Variants in SCG5 observed in about 807,000 individuals in gnomAD.
The protein encoded by SCG5 is neuroendocrine protein 7B2.
In SCG5, 18 loss-of-function variants were observed where a neutral mutation model predicts 25.7. That is an observed-to-expected ratio of 0.70 (90% confidence interval 0.48 to 1.04). SCG5 has a LOEUF of 1.04. SCG5 is among the 50% of genes least tolerant of loss of function. The pLI, the probability that SCG5 is intolerant of heterozygous loss-of-function variation, is 0.00. For missense variants in SCG5, 206 were observed against 259.8 expected (o/e 0.79, Z 1.42); for synonymous variants, 101 against 91.7 (o/e 1.10, Z -0.58).
chr15:32,642,060 G>A (rs2053872134), intron 1 of SCG5, among the ~76,000 whole-genome samples: 2 of 152,090 alleles, frequency 1.3e-5, no homozygotes, highest in South Asian at 4.1e-4. Context: ...TCTGCCTCCA[G>A]CCTTTTCCAT....
At chr15:32,656,594 T>TG (rs1002420710) in intron 2 of SCG5, among the ~76,000 whole-genome samples, 1 of 152,240 alleles carries the variant, frequency 6.6e-6, no homozygotes, top group Non-Finnish European at 1.5e-5. Context: ...TCTTCTATCC[T>TG]GGTAGACTAG....
chr15:32,653,850 G>C (rs1396793118), intron 2 of SCG5, among the ~76,000 whole-genome samples: 1 of 152,004 alleles, frequency 6.6e-6, no homozygotes, highest in Non-Finnish European at 1.5e-5. Flanking sequence ...CACACAACTG[G>C]GTACTATAAC....
chr15:32,666,158 T>G (rs1017701290), intron 2 of SCG5, among the ~76,000 whole-genome samples: 9 of 152,234 alleles, frequency 5.9e-5, no homozygotes, highest in Non-Finnish European at 1.2e-4. Context: ...AGTTGAGTGA[T>G]GGCTACAGCT....
At chr15:32,676,075 A>G (rs1014437571) in intron 2 of SCG5, among the ~76,000 whole-genome samples, 4 of 152,202 alleles carry the variant, frequency 2.6e-5, no homozygotes, top group Admixed American at 1.3e-4. Flanking sequence ...TTGCAACTGT[A>G]TAATATTAAA....
chr15:32,646,043 C>G (rs888155918), intron 2 of SCG5, among the ~76,000 whole-genome samples: 1 of 152,080 alleles, frequency 6.6e-6, no homozygotes, highest in African/African-American at 2.4e-5. Context: ...TGGTCTCCAT[C>G]TGACCTCATG....
chr15:32,694,700 T>C (rs1244717009), intron 5 of SCG5, among the ~76,000 whole-genome samples: 2 of 152,278 alleles, frequency 1.3e-5, no homozygotes, highest in South Asian at 4.1e-4. Context: ...TCTTGTGGCA[T>C]GTCACTTTTC....
intron 3 of SCG5, among the ~76,000 whole-genome samples, chr15:32,680,236 C>A (rs1336913236): frequency 2.0e-5 from 3 of 149,454 alleles, no homozygotes. Flanking sequence ...CGCTGTGTCA[C>A]CCAGGCTGGA....
rs546876984 is a variant in SCG5 at position 32,675,637 on chromosome 15, C to T, written c.227-4129C>T. On this transcript the variant is annotated intron_variant, in intron 2 of 5. Coordinates refer to ENST00000300175, the MANE Select transcript of SCG5 (RefSeq NM_001144757.3). Reference sequence around the variant, plus strand: ...CATTTATGTCGTCTATAGCACCTAACGTAATTATTGCTACACAGTATGTTG... The same window carrying T: ...CATTTATGTCGTCTATAGCACCTAATGTAATTATTGCTACACAGTATGTTG... 5.9e-5 allele frequency among the ~76,000 whole-genome samples: 9 copies of T among 152,314 alleles called. No individual in the cohort carries two copies. In the South Asian group the frequency reaches 1.0e-3, roughly 18 times the overall value.
intron 2 of SCG5, chr15:32,669,166 A>T (rs764741643): frequency 6.6e-6 from 1 of 152,220 alleles, no homozygotes; most frequent in Non-Finnish European, 1.5e-5. Context: ...TTATCATGTT[A>T]GTAGAGAAGC....
chr15:32,662,824 C>T (rs1055542858), intron 2 of SCG5, among the ~76,000 whole-genome samples: 4 of 141,434 alleles, frequency 2.8e-5, no homozygotes, highest in Non-Finnish European at 3.1e-5. Flanking sequence ...GCCATCTGCC[C>T]GGGACGATTT....
At chr15:32,652,890 C>A (rs1053587820) in intron 2 of SCG5, among the ~76,000 whole-genome samples, 1 of 152,122 alleles carries the variant, frequency 6.6e-6, no homozygotes, top group Admixed American at 6.5e-5. Flanking sequence ...CTTTTTATAA[C>A]TCCTAGATGT....
rs558398144 is a variant in SCG5, at chr15:32,694,233, C to T, written c.544-2281C>T. Reference sequence around the variant, plus strand: ...CACCTGATTCCTCTTTTTACCTCCTCATTAATTTTTCCCCTCCCCTCCAAC... The same window carrying T: ...CACCTGATTCCTCTTTTTACCTCCTTATTAATTTTTCCCCTCCCCTCCAAC... On this transcript the variant is annotated intron_variant, in intron 5 of 5. Coordinates refer to ENST00000300175, the MANE Select transcript of SCG5 (RefSeq NM_001144757.3). Among the ~76,000 whole-genome samples, 5 of 152,308 alleles carry T rather than the reference C, an allele frequency of 3.3e-5. No individual in the cohort carries two copies. The East Asian group carries it at 9.6e-4, about 29-fold the overall frequency.
chr15:32,661,614 G>A (rs1255324683), intron 2 of SCG5, among the ~76,000 whole-genome samples: 1 of 151,954 alleles, frequency 6.6e-6, no homozygotes, highest in Non-Finnish European at 1.5e-5. Flanking sequence ...GCGAAACTCT[G>A]TCTCAACAAA....
intron 2 of SCG5, among the ~76,000 whole-genome samples, chr15:32,648,771 C>T (rs1304256660): frequency 2.7e-5 from 3 of 111,528 alleles, no homozygotes; most frequent in African/African-American, 7.8e-5. Flanking sequence ...TTGCAGTCTC[C>T]TTTTTTTTTT....
chr15:32,696,142 A>C (rs2054955739), intron 5 of SCG5, among the ~76,000 whole-genome samples: 1 of 151,768 alleles, frequency 6.6e-6, no homozygotes, highest in Non-Finnish European at 1.5e-5. Flanking sequence ...TTTTGAGACA[A>C]AATCTTGCTC....
intron 4 of SCG5, among the ~76,000 whole-genome samples, chr15:32,685,741 C>T (rs903914451): frequency 1.3e-5 from 2 of 152,148 alleles, no homozygotes; most frequent in South Asian, 4.1e-4. Flanking sequence ...GATGCTGAAG[C>T]CATGGGAGAA....
At chr15:32,679,204 T>C (rs202181524) in intron 2 of SCG5, among the ~76,000 whole-genome samples, 3 of 141,476 alleles carry the variant, frequency 2.1e-5, no homozygotes, top group Non-Finnish European at 3.1e-5. Context: ...TTTTTTTTTT[T>C]CTTTTTTTGA....
At chr15:32,677,952 G>A (rs1357727397) in intron 2 of SCG5, among the ~76,000 whole-genome samples, 2 of 152,162 alleles carry the variant, frequency 1.3e-5, no homozygotes, top group African/African-American at 2.4e-5. Context: ...ATAGGTTTTC[G>A]TATGTATGAG....
At chr15:32,658,961 G>A (rs1221714763) in intron 2 of SCG5, among the ~76,000 whole-genome samples, 2 of 152,170 alleles carry the variant, frequency 1.3e-5, no homozygotes, top group African/African-American at 4.8e-5. Context: ...TGGATCCCGA[G>A]GTCAGGAGAT....
Sources: gnomAD v4.1 joint callset for allele counts (sites outside exome capture counted in the v4.1 genomes callset) on GRCh38, gnomAD v4.1.1 for gene constraint, MANE v1.5 for transcripts, NCBI Gene and HGNC (gene_info 2026-07-23, HGNC 2026-07-21) for gene names.